MYO1B: variants seen among roughly 807,000 people sequenced by gnomAD.
MYO1B encodes myosin IB.
In MYO1B, 72 loss-of-function variants were observed where a neutral mutation model predicts 159.7. That is an observed-to-expected ratio of 0.45 (90% CI 0.37 to 0.55). MYO1B has a LOEUF of 0.55. Ranked by LOEUF, MYO1B falls within the 20% of genes least tolerant of loss-of-function variation. The pLI, the probability that MYO1B is intolerant of heterozygous loss-of-function variation, is 0.00. For synonymous variants in MYO1B, 468 were observed against 473.8 expected, an observed-to-expected ratio of 0.99 and a Z score of 0.16; for missense variants, 1,062 against 1,364.8, an observed-to-expected ratio of 0.78 and a Z score of 3.50.
intron 13 of MYO1B, among the ~76,000 whole-genome samples, chr2:191,376,009 T>G (rs1190843100): frequency 6.6e-6 from 1 of 152,132 alleles, no homozygotes; most frequent in Non-Finnish European, 1.5e-5. Context: ...TTGGAATATT[T>G]GGATTATAAT....
chr2:191,384,656 G>A (rs1163222678), intron 15 of MYO1B, among the ~76,000 whole-genome samples: 1 of 152,152 alleles, frequency 6.6e-6, no homozygotes, highest in African/African-American at 2.4e-5. Flanking sequence ...TGTGAAGGAG[G>A]TAATTTGCTA....
intron 4 of MYO1B, among the ~76,000 whole-genome samples, chr2:191,339,947 C>T (rs1302548805): frequency 2.0e-5 from 3 of 152,142 alleles, no homozygotes; most frequent in Non-Finnish European, 2.9e-5. Flanking sequence ...CTGCAGGTCT[C>T]CTGTGAGACA....
chr2:191,341,486 T>C lies in MYO1B; in HGVS notation c.372T>C (p.Tyr124=), dbSNP rs1692218831. 1 of 1,613,934 alleles carries C rather than the reference T, an allele frequency of 6.2e-7. No individual in the cohort carries two copies. Among genetic ancestry groups the C allele is most frequent in the Non-Finnish European group, 8.5e-7 (1 of 1,179,988 alleles). ...KTEASKLVMS[Y]VAAVCGKGAE... is the part of the protein sequence containing the mutation. ...AGGCCAGTAAGCTTGTCATGTCCTA[T>C]GTGGCAGCTGTTTGTGGAAAAGGAG... Residue 124 remains tyrosine, a synonymous_variant, in exon 5 of 31, where the codon TAT becomes TAC. Transcript: ENST00000392318.
At chr2:191,255,159 C>T (rs1686362201) in intron 1 of MYO1B, among the ~76,000 whole-genome samples, 1 of 151,928 alleles carries the variant, frequency 6.6e-6, no homozygotes, top group South Asian at 2.1e-4. Flanking sequence ...GAACTCCTGG[C>T]CTCAAGTGAT....
intron 1 of MYO1B, among the ~76,000 whole-genome samples, chr2:191,255,508 T>C (rs750816771): frequency 6.6e-6 from 1 of 152,140 alleles, no homozygotes; most frequent in Non-Finnish European, 1.5e-5. Flanking sequence ...AAGAACTTTG[T>C]AGGCAATAAA....
At chr2:191,413,973 A>G (rs1697405536) in intron 27 of MYO1B, 75 bp from the exon 28 acceptor site, 14 of 1,466,526 alleles carry the variant, frequency 9.5e-6, no homozygotes, top group Non-Finnish European at 1.3e-5. Flanking sequence ...CTTAGAATCA[A>G]CTGACCTGTT....
chr2:191,332,099 A>T (rs1393125651), intron 4 of MYO1B, among the ~76,000 whole-genome samples: 1 of 152,136 alleles, frequency 6.6e-6, no homozygotes, highest in Non-Finnish European at 1.5e-5. Context: ...AGTAGCTGGG[A>T]TTACAGGTGC....
intron 1 of MYO1B, among the ~76,000 whole-genome samples, chr2:191,267,507 G>A (rs371167908): frequency 9.8e-5 from 15 of 152,304 alleles, no homozygotes; most frequent in African/African-American, 3.6e-4. Flanking sequence ...ATTGGAAAAT[G>A]AGAGAATTAT....
At position 191,390,283 on chromosome 2, in the gene MYO1B, A is replaced by T. The variant is rs1210102395; in HGVS notation, c.1782-9A>T. On this transcript the variant is annotated splice_polypyrimidine_tract_variant and intron_variant, in intron 17 of 30. Transcript: ENST00000392318. ...CAGTTTATAACCTAAAATCTTTGTG[A>T]TCTTTAAGGTGTATCAAACCGAATG... 1 of 1,604,186 alleles carries T rather than the reference A, an allele frequency of 6.2e-7. No individual in the cohort carries two copies. Among genetic ancestry groups the T allele is most frequent in the Non-Finnish European group, 8.5e-7 (1 of 1,173,376 alleles).
intron 2 of MYO1B, among the ~76,000 whole-genome samples, chr2:191,295,782 A>G (rs569149573): frequency 1.2e-4 from 18 of 152,344 alleles, no homozygotes; most frequent in Non-Finnish European, 2.5e-4. Context: ...GCTCTTGCTT[A>G]CAGTTAGCAG....
chr2:191,313,884 G>A (rs2125870617), intron 3 of MYO1B, among the ~76,000 whole-genome samples: 1 of 152,314 alleles, frequency 6.6e-6, no homozygotes, highest in South Asian at 2.1e-4. Context: ...ATTGGCCAGT[G>A]CATAGTCACA....
intron 3 of MYO1B, among the ~76,000 whole-genome samples, chr2:191,300,639 C>CTTTTTTTCTTTTTT (rs1689267352): frequency 1.5e-5 from 1 of 66,912 alleles, no homozygotes; most frequent in Non-Finnish European, 2.5e-5. Flanking sequence ...TGTGCGCAGC[C>CTTTTTTTCTTTTTT]TTTTTTTTTT....
intron 26 of MYO1B, among the ~76,000 whole-genome samples, chr2:191,409,844 G>C (rs896509131): frequency 6.6e-6 from 1 of 152,168 alleles, no homozygotes; most frequent in Non-Finnish European, 1.5e-5. Context: ...AACCTAGTCA[G>C]TTGATATGTG....
At chr2:191,253,436 C>T (rs1030222416) in intron 1 of MYO1B, among the ~76,000 whole-genome samples, 5 of 152,212 alleles carry the variant, frequency 3.3e-5, no homozygotes, top group South Asian at 2.1e-4. Flanking sequence ...TGTTCTGGAT[C>T]GTTCCTTCCC....
intron 1 of MYO1B, among the ~76,000 whole-genome samples, chr2:191,249,023 T>A (rs1396172564): frequency 6.6e-6 from 1 of 152,248 alleles, no homozygotes; most frequent in Non-Finnish European, 1.5e-5. Context: ...ACTTTACTTT[T>A]AAAAAGTTAG....
intron 30 of MYO1B, among the ~76,000 whole-genome samples, chr2:191,419,096 G>T (rs1357435863): frequency 6.6e-6 from 1 of 152,228 alleles, no homozygotes; most frequent in Non-Finnish European, 1.5e-5. Context: ...TGTTTGTGCT[G>T]CTGCTGGTGT....
At chr2:191,418,248 C>G (rs1172319115) in intron 30 of MYO1B, among the ~76,000 whole-genome samples, 2 of 152,110 alleles carry the variant, frequency 1.3e-5, no homozygotes, top group Non-Finnish European at 2.9e-5. Context: ...CGAAAATGTC[C>G]AAAGTCATAG....
intron 1 of MYO1B, among the ~76,000 whole-genome samples, chr2:191,247,450 T>C (rs1343661221): frequency 1.3e-5 from 2 of 152,186 alleles, no homozygotes; most frequent in Admixed American, 1.3e-4. Flanking sequence ...TGAGGGTTTG[T>C]CTTTTTCGTG....
chr2:191,365,053 A>C (rs1025296655), intron 11 of MYO1B, among the ~76,000 whole-genome samples: 1 of 152,138 alleles, frequency 6.6e-6, no homozygotes, highest in Non-Finnish European at 1.5e-5. Flanking sequence ...CACAAATCTG[A>C]GCTGCTGCCT....
Sources: allele counts gnomAD v4.1 joint callset (sites outside exome capture counted in the v4.1 genomes callset), GRCh38; gene constraint gnomAD v4.1.1; transcripts MANE v1.5; gene names NCBI Gene and HGNC (gene_info 2026-07-23, HGNC 2026-07-21).